Variants in SSBP2 observed in about 807,000 individuals in gnomAD.
The protein encoded by SSBP2 is single stranded DNA binding protein 2, also known as single-stranded DNA-binding protein 2.
A neutral mutation model predicts 61.8 loss-of-function variants in SSBP2; 17 were observed. That is an observed-to-expected ratio of 0.28 (90% confidence interval 0.19 to 0.41). The LOEUF (loss-of-function observed/expected upper bound fraction) is 0.41. SSBP2 is among the 10% of genes least tolerant of loss of function. The pLI, the probability that SSBP2 is intolerant of heterozygous loss-of-function variation, is 1.00. For missense variants in SSBP2, 310 were observed against 458.7 expected, an observed-to-expected ratio of 0.68 and a Z score of 2.96; for synonymous variants, 139 against 141.3, an observed-to-expected ratio of 0.98 and a Z score of 0.12.
chr5:81,449,412 T>C (rs1368454515), intron 10 of SSBP2, among the ~76,000 whole-genome samples: 2 of 152,194 alleles, frequency 1.3e-5, no homozygotes, highest in East Asian at 1.9e-4. Flanking sequence ...CCCTCGAGTA[T>C]GTATATTAAT....
chr5:81,663,124 G>C (rs1408423703), intron 1 of SSBP2, among the ~76,000 whole-genome samples: 2 of 152,122 alleles, frequency 1.3e-5, no homozygotes, highest in Non-Finnish European at 2.9e-5. Context: ...TTTAGAATTG[G>C]TAGAAAATAA....
intron 4 of SSBP2, among the ~76,000 whole-genome samples, chr5:81,571,139 A>T (rs1196916858): frequency 6.6e-6 from 1 of 152,184 alleles, no homozygotes; most frequent in East Asian, 1.9e-4. Flanking sequence ...TTTAGATGAC[A>T]CTATTTTTGT....
chr5:81,485,323 C>T (rs1279345292), intron 6 of SSBP2, among the ~76,000 whole-genome samples: 1 of 152,108 alleles, frequency 6.6e-6, no homozygotes, highest in Non-Finnish European at 1.5e-5. Context: ...ATTATTACCC[C>T]TTCCTATATT....
chr5:81,471,826 G>GT (rs370936169), intron 8 of SSBP2, among the ~76,000 whole-genome samples: 37 of 149,454 alleles, frequency 2.5e-4, no homozygotes, highest in Admixed American at 7.3e-4. Context: ...ATTTATATGG[G>GT]TTTTTTTTTT....
At chr5:81,450,564 T>G (rs2153978731) in intron 10 of SSBP2, among the ~76,000 whole-genome samples, 1 of 152,348 alleles carries the variant, frequency 6.6e-6, no homozygotes, top group East Asian at 1.9e-4. Context: ...CCTCCATTTA[T>G]GAGTATGGTC....
rs566356488 is a variant in SSBP2, at chr5:81,534,926, G to A, written c.283-21209C>T. Among the ~76,000 whole-genome samples, 3 of 151,880 alleles carry A rather than the reference G, an allele frequency of 2.0e-5. No homozygotes were observed. The South Asian group carries it at 6.2e-4, about 32-fold the overall frequency. ...TGTCATAACTAGATTGCAGAAAATA[G>A]AAGATAAAGAAAAAATCCTGAAAGA... On this transcript the variant is annotated intron_variant, in intron 4 of 16. Coordinates refer to ENST00000320672, the MANE Select transcript of SSBP2 (RefSeq NM_012446.5).
At chr5:81,550,532 C>T (rs1211546126) in intron 4 of SSBP2, among the ~76,000 whole-genome samples, 1 of 152,182 alleles carries the variant, frequency 6.6e-6, no homozygotes, top group African/African-American at 2.4e-5. Flanking sequence ...AAAAATTACA[C>T]TCATCCATTC....
intron 3 of SSBP2, among the ~76,000 whole-genome samples, chr5:81,623,425 T>C (rs1334134518): frequency 7.0e-6 from 1 of 143,358 alleles, no homozygotes; most frequent in African/African-American, 2.5e-5. Flanking sequence ...AAGCTCTGCC[T>C]CCCGGGTTCA....
intron 4 of SSBP2, among the ~76,000 whole-genome samples, chr5:81,542,897 C>T (rs1771410608): frequency 6.7e-6 from 1 of 150,052 alleles, no homozygotes; most frequent in Admixed American, 6.6e-5. Flanking sequence ...CTCTGTCGGC[C>T]AGGCTGGAGT....
At chr5:81,613,628 G>A (rs1190724653) in intron 4 of SSBP2, among the ~76,000 whole-genome samples, 1 of 152,156 alleles carries the variant, frequency 6.6e-6, no homozygotes, top group African/African-American at 2.4e-5. Context: ...TTCTTAAAAT[G>A]TAGGCTATCA....
intron 4 of SSBP2, among the ~76,000 whole-genome samples, chr5:81,575,538 G>A (rs535273237): frequency 6.6e-6 from 1 of 152,094 alleles, no homozygotes; most frequent in Non-Finnish European, 1.5e-5. Flanking sequence ...CAAGCTAATG[G>A]TGGGAGGTAG....
chr5:81,651,799 A>G (rs1041850100), intron 1 of SSBP2, among the ~76,000 whole-genome samples: 1 of 152,134 alleles, frequency 6.6e-6, no homozygotes, highest in Non-Finnish European at 1.5e-5. Context: ...ACATTCTTCA[A>G]ACACATACCC....
chr5:81,432,583 T>G (rs891589658), intron 15 of SSBP2, among the ~76,000 whole-genome samples: 1 of 151,956 alleles, frequency 6.6e-6, no homozygotes, highest in African/African-American at 2.4e-5. Context: ...CTGTCTCTAC[T>G]AAAAATACAA....
At chr5:81,534,502 A>C (rs542532613) in intron 4 of SSBP2, among the ~76,000 whole-genome samples, 2 of 152,290 alleles carry the variant, frequency 1.3e-5, no homozygotes, top group South Asian at 4.1e-4. Context: ...CAATGTAAGG[A>C]GAAAGATGAA....
chr5:81,687,292 A>G (rs1036524649), intron 1 of SSBP2, among the ~76,000 whole-genome samples: 6 of 152,202 alleles, frequency 3.9e-5, no homozygotes, highest in African/African-American at 1.4e-4. Context: ...TCATGGAGGG[A>G]GCATATAGAC....
chr5:81,608,713 A>G (rs1436815134), intron 4 of SSBP2, among the ~76,000 whole-genome samples: 1 of 152,112 alleles, frequency 6.6e-6, no homozygotes, highest in African/African-American at 2.4e-5. Flanking sequence ...TGAATAAAAG[A>G]TTTTTTTAAT....
chr5:81,532,947 A>C (rs1032765165), intron 4 of SSBP2, among the ~76,000 whole-genome samples: 5 of 151,988 alleles, frequency 3.3e-5, no homozygotes, highest in Admixed American at 6.6e-5. Context: ...ATAGGTAGAG[A>C]TTTTAACATT....
intron 5 of SSBP2, among the ~76,000 whole-genome samples, chr5:81,490,865 G>C (rs944439079): frequency 6.6e-6 from 1 of 152,144 alleles, no homozygotes; most frequent in Non-Finnish European, 1.5e-5. Context: ...AGATTAGTCA[G>C]GTAGTATTGT....
intron 4 of SSBP2, among the ~76,000 whole-genome samples, chr5:81,605,169 AAC>A (rs1211421891): frequency 6.7e-6 from 1 of 148,686 alleles, no homozygotes; most frequent in African/African-American, 2.4e-5. Flanking sequence ...TGACTCCCTC[AAC>A]AGAGAGAGTT....
Sources: gnomAD v4.1 joint callset for allele counts (sites outside exome capture counted in the v4.1 genomes callset) on GRCh38, gnomAD v4.1.1 for gene constraint, MANE v1.5 for transcripts, NCBI Gene and HGNC (gene_info 2026-07-23, HGNC 2026-07-21) for gene names.